The following SETD5 variants were observed in gnomAD, a reference collection of about 807,000 sequenced individuals.
SETD5 encodes histone-lysine N-methyltransferase SETD5.
SETD5 carries 44 observed loss-of-function variants against 153.3 expected under a neutral mutation model. The observed-to-expected ratio is 0.29, with a 90% CI of 0.23 to 0.37. The LOEUF is 0.37. SETD5 is among the 10% of genes least tolerant of loss of function. The probability of loss-of-function intolerance (pLI) is 1.00; values close to 1 mark genes in which losing one functional copy is unlikely to be tolerated. For missense variants in SETD5, 1,544 were observed against 1,768.0 expected, an observed-to-expected ratio of 0.87 and a Z score of 2.27; for synonymous variants, 716 against 645.2, an observed-to-expected ratio of 1.11 and a Z score of -1.66.
chr3:9,446,573 A>G (rs2042039257), intron 13 of SETD5, among the ~76,000 whole-genome samples: 1 of 151,488 alleles, frequency 6.6e-6, no homozygotes, highest in African/African-American at 2.4e-5. Context: ...ACTCACCACA[A>G]TCTCTGCCTC....
At chr3:9,408,048 C>T (rs1441076251) in intron 1 of SETD5, among the ~76,000 whole-genome samples, 1 of 151,388 alleles carries the variant, frequency 6.6e-6, no homozygotes, top group Non-Finnish European at 1.5e-5. Context: ...GTTTTACTTT[C>T]CTTGGGACAG....
intron 1 of SETD5, chr3:9,398,448 C>G (rs1334259752): frequency 2.0e-5 from 3 of 152,158 alleles, no homozygotes; most frequent in Non-Finnish European, 4.4e-5. Flanking sequence ...ATCTCCCCTC[C>G]GTAATCTTCC....
rs1284901325 is a variant in SETD5 at position 9,476,196 on chromosome 3, A to G, written c.*105A>G. On this transcript the variant is annotated 3_prime_UTR_variant, in exon 23 of 23. Transcript: ENST00000402198. ...ATATTGCTGAGGAACGGGGGGTACA[A>G]GGTGCCAGAGGATTGGGTCTGGTGG... is the stretch of plus-strand genomic sequence containing the variant. 4.2e-6 allele frequency: 6 copies of G among 1,424,122 alleles called. No individual in the cohort carries two copies. The highest frequency in any genetic ancestry group is 5.0e-5 in the East Asian group (2 of 40,122). The allele number at this position is 1,424,122 out of a possible 1,614,324, so 88.2% of individuals were successfully genotyped here. A position where few individuals can be genotyped will look rare whatever the true frequency, so the allele number is the denominator to read the frequency against.
At chr3:9,447,598 A>G in intron 14 of SETD5, 88 bp from the exon 15 acceptor site, 1 of 1,376,456 alleles carries the variant, frequency 7.3e-7, no homozygotes, top group Non-Finnish European at 1.0e-6. Flanking sequence ...TCATCAGTAG[A>G]CATTCTGAAT....
intron 1 of SETD5, among the ~76,000 whole-genome samples, chr3:9,414,861 A>T (rs1419790008): frequency 6.6e-6 from 1 of 152,072 alleles, no homozygotes; most frequent in South Asian, 2.1e-4. Flanking sequence ...AGTATTGGAA[A>T]AGGAAATACA....
At chr3:9,443,166 G>T (rs1425514064) in intron 10 of SETD5, 142 bp from the exon 11 acceptor site, 1 of 634,064 alleles carries the variant, frequency 1.6e-6, no homozygotes, top group Non-Finnish European at 2.8e-6. Flanking sequence ...GAAATGAAGG[G>T]GTTAAATAAC....
intron 17 of SETD5, among the ~76,000 whole-genome samples, chr3:9,463,554 C>T (rs7652415): frequency 0.24 from 37,180 of 152,012 alleles, 6,493 homozygotes; most frequent in African/African-American, 0.5. Flanking sequence ...CTAAGAAGTA[C>T]AGAAAATAGG....
chr3:9,448,254 T>G (rs1575474458), intron 15 of SETD5, 134 bp from the exon 16 acceptor site: 1 of 1,352,016 alleles, frequency 7.4e-7, no homozygotes, highest in Non-Finnish European at 9.9e-7. Flanking sequence ...GATATCCTTG[T>G]GTTCTAGTTG....
chr3:9,406,749 A>G (rs903913229), intron 1 of SETD5, among the ~76,000 whole-genome samples: 2 of 152,228 alleles, frequency 1.3e-5, no homozygotes, highest in Non-Finnish European at 2.9e-5. Context: ...ATTTAGTAAT[A>G]GAACAAAATA....
Position 9,475,020 on chromosome 3 carries a change from T to TA in SETD5, c.3632-47dup, listed in dbSNP as rs1315974625. 2.7e-6 allele frequency: 4 copies of TA among 1,502,412 alleles called. No homozygotes were observed. The Admixed American group carries it at 8.2e-5, about 31-fold the overall frequency. 93.1% of individuals were successfully genotyped at this position (1,502,412 alleles called of 1,614,324 possible). ...AAATGAAAAATGGCTCTTTCTTACT[T>TA]ATTCTAAGAAGCCAAGTTGATTTTT... is the stretch of plus-strand genomic sequence containing the variant. On this transcript the variant is annotated intron_variant, in intron 21 of 22. Coordinates refer to ENST00000402198, the MANE Select transcript of SETD5 (RefSeq NM_001080517.3).
chr3:9,407,869 G>A (rs533260742), intron 1 of SETD5, among the ~76,000 whole-genome samples: 14 of 152,098 alleles, frequency 9.2e-5, no homozygotes, highest in African/African-American at 2.6e-4. Flanking sequence ...GCGTGGTGGC[G>A]CATGCCTATA....
intron 20 of SETD5, 126 bp downstream of exon 20, chr3:9,473,663 A>G: frequency 1.0e-6 from 1 of 957,628 alleles, no homozygotes; most frequent in Non-Finnish European, 1.5e-6. Context: ...CAGCCAGCCA[A>G]CAGTACCATC....
At chr3:9,415,289 G>A (rs1352236144) in intron 1 of SETD5, among the ~76,000 whole-genome samples, 1 of 152,176 alleles carries the variant, frequency 6.6e-6, no homozygotes, top group Non-Finnish European at 1.5e-5. Flanking sequence ...GATCAAAGAT[G>A]AGCATATGTG....
At chr3:9,467,626 T>G (rs1452419224) in intron 18 of SETD5, among the ~76,000 whole-genome samples, 1 of 151,952 alleles carries the variant, frequency 6.6e-6, no homozygotes, top group Non-Finnish European at 1.5e-5. Context: ...TTATTCAGAG[T>G]CTACATTAGG....
chr3:9,418,405 A>G (rs2037866654), intron 1 of SETD5, among the ~76,000 whole-genome samples: 1 of 152,228 alleles, frequency 6.6e-6, no homozygotes, highest in South Asian at 2.1e-4. Context: ...GTCAAAGGAC[A>G]ACTATAAGAA....
Position 9,448,549 on chromosome 3 carries a change from C to T in SETD5, c.2265C>T (p.Tyr755=), listed in dbSNP as rs2125289936. 1.9e-6 allele frequency: 3 copies of T among 1,613,912 alleles called. 1 individual carries two copies. The highest frequency in any genetic ancestry group is 2.2e-5 in the South Asian group (2 of 91,072). ...SPLICTTPKH[Y]IRFGSPFIPE... The stretch of plus-strand genomic sequence containing the variant: ...TAATTTGCACCACCCCCAAACACTA[C>T]ATTCGCTTTGGCTCACCCTTTATCC... The change falls in exon 16 of 23, where the codon TAC becomes TAT. Residue 755 remains tyrosine, a synonymous_variant. Coordinates refer to ENST00000402198, the MANE Select transcript of SETD5 (RefSeq NM_001080517.3).
chr3:9,441,421 CTT>C (rs965224408), intron 8 of SETD5, among the ~76,000 whole-genome samples, 170 bp from the exon 9 acceptor site: 10 of 148,824 alleles, frequency 6.7e-5, no homozygotes, highest in African/African-American at 1.2e-4. Flanking sequence ...TAGCATGTCT[CTT>C]AGAAAAATTG....
chr3:9,431,869 A>G (rs1267185591), intron 3 of SETD5: 1 of 233,540 alleles, frequency 4.3e-6, no homozygotes, highest in Non-Finnish European at 7.0e-6. Flanking sequence ...AACAGCTATC[A>G]TGTTTCACTC....
intron 8 of SETD5, 44 bp from the exon 9 acceptor site, chr3:9,441,549 G>T (rs980350968): frequency 6.3e-7 from 1 of 1,586,750 alleles, no homozygotes; most frequent in African/African-American, 1.3e-5. Context: ...GTCTACTAAG[G>T]TGTTCTTGCT....
Sources: gnomAD v4.1 joint callset for allele counts (sites outside exome capture counted in the v4.1 genomes callset) on GRCh38, gnomAD v4.1.1 for gene constraint, MANE v1.5 for transcripts, NCBI Gene and HGNC (gene_info 2026-07-23, HGNC 2026-07-21) for gene names.